The following RBFOX1 variants were observed in gnomAD, a reference collection of about 807,000 sequenced individuals.
RBFOX1 encodes RNA binding protein fox-1 homolog 1.
In RBFOX1, 8 loss-of-function variants were observed where a neutral mutation model predicts 57.7. The observed-to-expected ratio is 0.14, with a 90% CI of 0.08 to 0.25. The LOEUF (loss-of-function observed/expected upper bound fraction) is 0.25. Among genes scored for constraint, RBFOX1 ranks in the 10% least tolerant of loss-of-function variants. The pLI, the probability that RBFOX1 is intolerant of heterozygous loss-of-function variation, is 1.00. For synonymous variants in RBFOX1, 326 were observed against 222.4 expected, an observed-to-expected ratio of 1.47 and a Z score of -4.15; for missense variants, 611 against 548.5, an observed-to-expected ratio of 1.11 and a Z score of -1.14.
At chr16:6,881,134 C>G (rs1274087170) in intron 3 of RBFOX1, among the ~76,000 whole-genome samples, 2 of 152,134 alleles carry the variant, frequency 1.3e-5, no homozygotes, top group Non-Finnish European at 2.9e-5. Context: ...GCGCTCCAGG[C>G]AGTGACTATA....
chr16:5,796,674 C>G (rs935332763), intron 3 of RBFOX1, among the ~76,000 whole-genome samples: 6 of 152,196 alleles, frequency 3.9e-5, no homozygotes, highest in Non-Finnish European at 8.8e-5. Flanking sequence ...ATTTGATACT[C>G]TTACCCCATT....
At chr16:6,090,822 G>A (rs1006988594) in intron 1 of RBFOX1, among the ~76,000 whole-genome samples, 1 of 152,166 alleles carries the variant, frequency 6.6e-6, no homozygotes, top group Non-Finnish European at 1.5e-5. Context: ...AGTCTATGGT[G>A]GAGGGAGGGG....
chr16:7,626,205 T>G (rs1028335732), intron 10 of RBFOX1, among the ~76,000 whole-genome samples: 2 of 152,122 alleles, frequency 1.3e-5, no homozygotes, highest in African/African-American at 4.8e-5. Flanking sequence ...ACTTAGGGGG[T>G]TGGCAGCAGA....
chr16:6,793,034 A>AG (rs1413588584), intron 3 of RBFOX1, among the ~76,000 whole-genome samples: 1 of 151,834 alleles, frequency 6.6e-6, no homozygotes, highest in Non-Finnish European at 1.5e-5. Context: ...ATCTGAAAAA[A>AG]AAAAAAAAAT....
At chr16:5,828,873 C>T (rs924459817) in intron 3 of RBFOX1, among the ~76,000 whole-genome samples, 3 of 152,020 alleles carry the variant, frequency 2.0e-5, no homozygotes, top group Non-Finnish European at 4.4e-5. Context: ...ATTACCATTA[C>T]CCCCAAAGTG....
intron 4 of RBFOX1, among the ~76,000 whole-genome samples, chr16:5,935,763 G>A (rs1210941683): frequency 6.6e-6 from 1 of 152,182 alleles, no homozygotes; most frequent in Non-Finnish European, 1.5e-5. Flanking sequence ...CTACTTAGCG[G>A]CAGGGCCAGG....
chr16:5,580,569 T>C (rs2046631211), intron 2 of RBFOX1, among the ~76,000 whole-genome samples: 1 of 152,202 alleles, frequency 6.6e-6, no homozygotes, highest in Non-Finnish European at 1.5e-5. Context: ...CAGCTGGTCC[T>C]GCTTCAACGC....
intron 3 of RBFOX1, among the ~76,000 whole-genome samples, chr16:5,686,267 G>A (rs1260139540): frequency 6.6e-6 from 1 of 152,196 alleles, no homozygotes. Context: ...ACTGGGCACT[G>A]TGGGGTTATG....
chr16:6,063,477 A>T (rs959696682), intron 1 of RBFOX1, among the ~76,000 whole-genome samples: 4 of 84,698 alleles, frequency 4.7e-5, no homozygotes, highest in Non-Finnish European at 7.8e-5. Context: ...ACACACACAC[A>T]CACACACACA....
At chr16:6,029,539 T>C (rs902587529) in intron 1 of RBFOX1, among the ~76,000 whole-genome samples, 6 of 152,224 alleles carry the variant, frequency 3.9e-5, no homozygotes, top group African/African-American at 1.4e-4. Context: ...TTTGGGAGGC[T>C]GAGGCGGGTG....
intron 2 of RBFOX1, among the ~76,000 whole-genome samples, chr16:6,641,871 C>T (rs527434782): frequency 2.2e-4 from 33 of 151,252 alleles, no homozygotes; most frequent in Admixed American, 4.0e-4. Context: ...AGATTACCCA[C>T]TTTAGCTCAC....
chr16:6,634,850 A>G (rs1178569530), intron 2 of RBFOX1, among the ~76,000 whole-genome samples: 2 of 139,832 alleles, frequency 1.4e-5, no homozygotes, highest in Non-Finnish European at 3.0e-5. Flanking sequence ...ATTATATATA[A>G]TACTTTAAAT....
At chr16:5,465,869 T>C (rs947180437) in intron 1 of RBFOX1, among the ~76,000 whole-genome samples, 2 of 152,268 alleles carry the variant, frequency 1.3e-5, no homozygotes, top group African/African-American at 4.8e-5. Context: ...TGGCCAGATA[T>C]GTTGTGCCTG....
Position 6,520,821 on chromosome 16 carries a change from G to A in RBFOX1, c.-63-133782G>A, listed in dbSNP as rs146072640. Reference sequence around the variant, plus strand: ...AACCCCACAAAGCAGGTATAAGGAGGCAGAGGGAACTTCCAAAAAGGACTT... The same window carrying A: ...AACCCCACAAAGCAGGTATAAGGAGACAGAGGGAACTTCCAAAAAGGACTT... On this transcript the variant is annotated intron_variant, in intron 2 of 15. Coordinates refer to ENST00000550418, the MANE Select transcript of RBFOX1 (RefSeq NM_018723.4). Among the ~76,000 whole-genome samples the A allele has an allele frequency of 1.9e-4, 29 of 152,262 alleles. 1 individual carries two copies. Among genetic ancestry groups the A allele is most frequent in the Admixed American group, 7.2e-4 (11 of 15,300 alleles).
At chr16:7,063,066 T>C (rs147057791) in intron 4 of RBFOX1, among the ~76,000 whole-genome samples, 17 of 152,164 alleles carry the variant, frequency 1.1e-4, no homozygotes, top group East Asian at 1.9e-4. Flanking sequence ...CTCTTCATCA[T>C]ACCCTGCAAT....
At chr16:6,273,545 C>T (rs1456930469) in intron 1 of RBFOX1, among the ~76,000 whole-genome samples, 1 of 151,690 alleles carries the variant, frequency 6.6e-6, no homozygotes, top group East Asian at 2.0e-4. Context: ...TGGGCTTCTC[C>T]ATGTTGGTCA....
At chr16:6,269,123 A>T (rs1309998223) in intron 1 of RBFOX1, among the ~76,000 whole-genome samples, 4 of 152,214 alleles carry the variant, frequency 2.6e-5, no homozygotes, top group African/African-American at 9.7e-5. Flanking sequence ...AGGGACAACA[A>T]CAATAAGCAT....
chr16:5,492,590 G>A (rs997662556), intron 2 of RBFOX1, among the ~76,000 whole-genome samples: 1 of 152,172 alleles, frequency 6.6e-6, no homozygotes, highest in Non-Finnish European at 1.5e-5. Context: ...TGTGTACAAA[G>A]GTCCTGTGGC....
chr16:6,880,182 G>C (rs1359070819), intron 3 of RBFOX1, among the ~76,000 whole-genome samples: 1 of 151,390 alleles, frequency 6.6e-6, no homozygotes, highest in East Asian at 1.9e-4. Flanking sequence ...ACCTCAATCT[G>C]TGTACTCCTT....
Sources: gnomAD v4.1 joint callset for allele counts (sites outside exome capture counted in the v4.1 genomes callset) on GRCh38, gnomAD v4.1.1 for gene constraint, MANE v1.5 for transcripts, NCBI Gene and HGNC (gene_info 2026-07-23, HGNC 2026-07-21) for gene names.